DOCK10: variants seen among roughly 807,000 people sequenced by gnomAD.
The protein encoded by DOCK10 is dedicator of cytokinesis 10.
DOCK10 carries 145 observed loss-of-function variants against 280.1 expected under a neutral mutation model. The ratio of observed to expected loss-of-function variants is 0.52; its 90% CI spans 0.45 to 0.59. The LOEUF is 0.59. Among genes scored for constraint, DOCK10 ranks in the 20% least tolerant of loss-of-function variants. The pLI is 0.00. For synonymous variants in DOCK10, 915 were observed against 942.2 expected (o/e 0.97, Z 0.53); for missense variants, 2,368 against 2,651.7 (o/e 0.89, Z 2.35).
chr2:224,813,364 T>A (rs1233265287), intron 31 of DOCK10, among the ~76,000 whole-genome samples: 1 of 152,052 alleles, frequency 6.6e-6, no homozygotes, highest in Non-Finnish European at 1.5e-5. Context: ...CCCAGCTGAT[T>A]TTTCTATTTT....
chr2:225,037,844 C>T (rs1203202371), intron 1 of DOCK10, among the ~76,000 whole-genome samples: 1 of 152,152 alleles, frequency 6.6e-6, no homozygotes, highest in East Asian at 1.9e-4. Context: ...TAGAAGTTTT[C>T]TAGAACCTAC....
intron 1 of DOCK10, among the ~76,000 whole-genome samples, chr2:224,952,653 C>T (rs1164183568): frequency 6.1e-5 from 9 of 146,724 alleles, no homozygotes; most frequent in South Asian, 2.2e-4. Flanking sequence ...AGTGCAGTGG[C>T]GGGATCTCGG....
chr2:224,944,770 A>G (rs1703299303), intron 1 of DOCK10, among the ~76,000 whole-genome samples: 1 of 152,214 alleles, frequency 6.6e-6, no homozygotes, highest in South Asian at 2.1e-4. Flanking sequence ...ACTCAATACA[A>G]GAGACAACCT....
At chr2:224,879,013 A>G (rs1168144747) in intron 7 of DOCK10, among the ~76,000 whole-genome samples, 1 of 152,276 alleles carries the variant, frequency 6.6e-6, no homozygotes, top group Non-Finnish European at 1.5e-5. Flanking sequence ...ATGTGAAATC[A>G]GAAAACAAAT....
chr2:224,947,588 C>G (rs1213917295), intron 1 of DOCK10, among the ~76,000 whole-genome samples: 1 of 152,304 alleles, frequency 6.6e-6, no homozygotes, highest in South Asian at 2.1e-4. Flanking sequence ...GACATGGACT[C>G]CTTGAATCTG....
chr2:224,985,837 T>A (rs1269449921), intron 1 of DOCK10, among the ~76,000 whole-genome samples: 1 of 145,478 alleles, frequency 6.9e-6, no homozygotes, highest in African/African-American at 2.9e-5. Context: ...TGGCTGTACA[T>A]GTTGATATAT....
At chr2:225,022,975 G>A (rs1005867289) in intron 1 of DOCK10, among the ~76,000 whole-genome samples, 29 of 152,144 alleles carry the variant, frequency 1.9e-4, no homozygotes, top group Admixed American at 2.6e-4. Flanking sequence ...TAGTTTGGAG[G>A]AGATGCTCAT....
At chr2:224,980,627 A>G (rs948838638) in intron 1 of DOCK10, among the ~76,000 whole-genome samples, 1 of 152,198 alleles carries the variant, frequency 6.6e-6, no homozygotes, top group Non-Finnish European at 1.5e-5. Flanking sequence ...CATTTTACTC[A>G]GAGTAGTCCA....
In DOCK10 at chr2:224,867,094, A is replaced by G. The variant is rs192360164; in HGVS notation, c.1258-2007T>C. Among the ~76,000 whole-genome samples, 1,006 of 152,062 alleles carry G rather than the reference A, an allele frequency of 6.6e-3. 11 individuals carry two copies. Among genetic ancestry groups the G allele is most frequent in the African/African-American group, 0.022 (903 of 41,454 alleles). ...AAGAAATACACACACACACACACAC[A>G]CACACACACACACAAAATTTATTTA... On this transcript the variant is annotated intron_variant, in intron 11 of 55. Coordinates refer to ENST00000258390, the MANE Select transcript of DOCK10 (RefSeq NM_014689.3).
At chr2:224,830,682 A>C in intron 26 of DOCK10, 70 bp from the exon 27 acceptor site, 1 of 815,516 alleles carries the variant, frequency 1.2e-6, no homozygotes, top group Non-Finnish European at 1.9e-6. Flanking sequence ...TTTTCTTTGC[A>C]ATATGTAATA....
At chr2:224,924,265 T>C (rs1701937500) in intron 2 of DOCK10, among the ~76,000 whole-genome samples, 1 of 152,204 alleles carries the variant, frequency 6.6e-6, no homozygotes, top group African/African-American at 2.4e-5. Flanking sequence ...TTTTGGTATA[T>C]TCACAGAGTT....
intron 28 of DOCK10, among the ~76,000 whole-genome samples, chr2:224,822,628 C>A (rs1694572429): frequency 6.6e-6 from 1 of 152,098 alleles, no homozygotes; most frequent in South Asian, 2.1e-4. Context: ...GGGAGGATCG[C>A]CTGAGCCCAG....
At chr2:224,940,605 C>A (rs1242348349) in intron 1 of DOCK10, among the ~76,000 whole-genome samples, 5 of 152,156 alleles carry the variant, frequency 3.3e-5, no homozygotes, top group South Asian at 2.1e-4. Flanking sequence ...GGCTTAAGAA[C>A]CTTCCTGGTT....
intron 39 of DOCK10, among the ~76,000 whole-genome samples, chr2:224,803,381 T>C (rs560218704): frequency 1.3e-5 from 2 of 149,720 alleles, no homozygotes; most frequent in East Asian, 1.9e-4. Flanking sequence ...TGTACGACTC[T>C]TATATTTCTT....
chr2:224,831,118 A>C (rs1200205585), intron 26 of DOCK10, among the ~76,000 whole-genome samples: 2 of 151,908 alleles, frequency 1.3e-5, no homozygotes, highest in Non-Finnish European at 2.9e-5. Flanking sequence ...GTTTTTTCGT[A>C]GAGACAGGGT....
rs367566960 is a variant in DOCK10, at chr2:224,823,494, A to T, written c.3183+7T>A. On this transcript the variant is annotated splice_region_variant and intron_variant, in intron 28 of 55. Coordinates refer to ENST00000258390, the MANE Select transcript of DOCK10 (RefSeq NM_014689.3). ...TTGAATAGAACTGCGATCTCATATA[A>T]CTGTACCTTGAGAAATCTGGCAACG... 1.8e-5 allele frequency: 29 copies of T among 1,591,342 alleles called. No homozygotes were observed. The highest frequency in any genetic ancestry group is 2.5e-5 in the Non-Finnish European group (29 of 1,172,906).
intron 28 of DOCK10, among the ~76,000 whole-genome samples, chr2:224,823,095 C>G (rs1397739963): frequency 6.6e-6 from 1 of 150,392 alleles, no homozygotes; most frequent in Admixed American, 6.7e-5. Context: ...TCAAGTGATT[C>G]TCCTGCCTCA....
intron 11 of DOCK10, among the ~76,000 whole-genome samples, chr2:224,870,815 A>ATTATTTTT (rs1698226242): frequency 1.9e-5 from 1 of 52,612 alleles, no homozygotes; most frequent in African/African-American, 1.0e-4. Context: ...TGGCCACTCC[A>ATTATTTTT]TTTTTTTTTT....
chr2:225,019,780 A>G (rs1485906839), intron 1 of DOCK10, among the ~76,000 whole-genome samples: 2 of 152,120 alleles, frequency 1.3e-5, no homozygotes, highest in African/African-American at 4.8e-5. Context: ...GGAGTTTTTA[A>G]TGTTCGGTTC....
Sources: allele counts gnomAD v4.1 joint callset (sites outside exome capture counted in the v4.1 genomes callset), GRCh38; gene constraint gnomAD v4.1.1; transcripts MANE v1.5; gene names NCBI Gene and HGNC (gene_info 2026-07-23, HGNC 2026-07-21).